ZBTB7C: variants seen among roughly 807,000 people sequenced by gnomAD.
The protein encoded by ZBTB7C is zinc finger and BTB domain containing 7C, also known as zinc finger and BTB domain-containing protein 7C.
Under a neutral mutation model 25.7 loss-of-function variants are expected in ZBTB7C, and 8 were observed. The ratio of observed to expected loss-of-function variants is 0.31; its 90% CI spans 0.18 to 0.56. The LOEUF is 0.56. ZBTB7C is among the 20% of genes least tolerant of loss of function. The pLI, the probability that ZBTB7C is intolerant of heterozygous loss-of-function variation, is 0.91. For synonymous variants in ZBTB7C, 394 were observed against 369.0 expected, an observed-to-expected ratio of 1.07 and a Z score of -0.78; for missense variants, 824 against 855.2, an observed-to-expected ratio of 0.96 and a Z score of 0.46.
intron 2 of ZBTB7C, among the ~76,000 whole-genome samples, chr18:48,266,305 A>G (rs2044312490): frequency 6.6e-6 from 1 of 152,124 alleles, no homozygotes; most frequent in Non-Finnish European, 1.5e-5. Flanking sequence ...GAGGCGACTG[A>G]GAAGGACTAT....
intron 1 of ZBTB7C, among the ~76,000 whole-genome samples, chr18:48,404,954 C>A (rs1336832873): frequency 1.3e-5 from 2 of 152,224 alleles, no homozygotes; most frequent in Non-Finnish European, 2.9e-5. Context: ...AGCTGTCCAG[C>A]CCTGACCTCT....
intron 2 of ZBTB7C, among the ~76,000 whole-genome samples, chr18:48,241,079 GCAA>G (rs2043510535): frequency 2.0e-5 from 3 of 151,738 alleles, no homozygotes; most frequent in Non-Finnish European, 1.5e-5. Context: ...AGCCTTTAAA[GCAA>G]CAACAATTAA....
chr18:48,117,695 G>A (rs2039488620), intron 3 of ZBTB7C, among the ~76,000 whole-genome samples: 1 of 152,136 alleles, frequency 6.6e-6, no homozygotes, highest in African/African-American at 2.4e-5. Context: ...AACAAAACAC[G>A]TGTTCCATCT....
intron 3 of ZBTB7C, chr18:48,137,148 C>A: frequency 1.0e-6 from 1 of 985,420 alleles, no homozygotes; most frequent in Non-Finnish European, 1.2e-6. Context: ...TCGTGCTGGG[C>A]GAGTTAAGCC....
At chr18:48,114,433 T>G (rs1465743434) in intron 3 of ZBTB7C, among the ~76,000 whole-genome samples, 1 of 152,054 alleles carries the variant, frequency 6.6e-6, no homozygotes, top group Non-Finnish European at 1.5e-5. Context: ...GAGAGCCATC[T>G]CTGCTAAAAA....
At chr18:48,225,932 G>A (rs1393028499) in intron 2 of ZBTB7C, among the ~76,000 whole-genome samples, 4 of 152,070 alleles carry the variant, frequency 2.6e-5, no homozygotes, top group African/African-American at 4.8e-5. Context: ...TAGTAGAGAC[G>A]GGGTTTCACC....
intron 2 of ZBTB7C, among the ~76,000 whole-genome samples, chr18:48,256,941 A>C (rs1056742092): frequency 1.3e-5 from 2 of 152,026 alleles, no homozygotes; most frequent in African/African-American, 4.8e-5. Flanking sequence ...AAAAAGAGGA[A>C]AAATTGAACA....
intron 2 of ZBTB7C, among the ~76,000 whole-genome samples, chr18:48,316,502 T>A (rs2045950925): frequency 6.6e-6 from 1 of 152,238 alleles, no homozygotes; most frequent in Non-Finnish European, 1.5e-5. Flanking sequence ...GGAAGTGGGT[T>A]CTAGTGGGAG....
At chr18:48,202,547 GT>G (rs1430304210) in intron 2 of ZBTB7C, among the ~76,000 whole-genome samples, 2 of 151,918 alleles carry the variant, frequency 1.3e-5, no homozygotes, top group Non-Finnish European at 2.9e-5. Flanking sequence ...GCGAGGGTGG[GT>G]GTGCAAGCTA....
chr18:48,331,559 C>T (rs543750448), intron 2 of ZBTB7C, among the ~76,000 whole-genome samples: 15 of 152,320 alleles, frequency 9.8e-5, no homozygotes, highest in South Asian at 2.1e-4. Context: ...CACTGCATTA[C>T]GATAGCCCAT....
At chr18:48,190,643 G>A (rs2042171288) in intron 2 of ZBTB7C, among the ~76,000 whole-genome samples, 2 of 152,216 alleles carry the variant, frequency 1.3e-5, no homozygotes, top group Admixed American at 1.3e-4. Flanking sequence ...TAGACAGGAT[G>A]GTTTGGGGAC....
chr18:48,131,826 T>C (rs2039993941), intron 3 of ZBTB7C, among the ~76,000 whole-genome samples: 1 of 152,094 alleles, frequency 6.6e-6, no homozygotes, highest in Non-Finnish European at 1.5e-5. Flanking sequence ...TGGCTACTGC[T>C]CCCTTGAGCA....
At chr18:48,204,934 AG>A (rs1349742754) in intron 2 of ZBTB7C, among the ~76,000 whole-genome samples, 1 of 152,172 alleles carries the variant, frequency 6.6e-6, no homozygotes, top group Non-Finnish European at 1.5e-5. Flanking sequence ...CTAAGCAAAG[AG>A]GTAAGTACTC....
At position 48,317,547 on chromosome 18, in the gene ZBTB7C, G is replaced by A. The variant is rs111717812; in HGVS notation, c.-79+20627C>T. ...GCCTTTGCTCTGAGGATGCCAGGTC[G>A]AGAGCTTGTTTGCAAAGTACAGGGA... On this transcript the variant is annotated intron_variant, in intron 2 of 4. Transcript: ENST00000590800. Among the ~76,000 whole-genome samples the A allele has an allele frequency of 5.7e-3, 861 of 152,262 alleles. 7 individuals carry two copies. Among genetic ancestry groups the A allele is most frequent in the African/African-American group, 0.019 (810 of 41,560 alleles).
At chr18:48,302,439 T>A (rs1440613889) in intron 2 of ZBTB7C, among the ~76,000 whole-genome samples, 2 of 103,302 alleles carry the variant, frequency 1.9e-5, no homozygotes, top group African/African-American at 7.6e-5. Flanking sequence ...CTATATATAA[T>A]TTTTTTTCTC....
At chr18:48,160,248 C>A (rs1370472967) in intron 3 of ZBTB7C, among the ~76,000 whole-genome samples, 1 of 152,214 alleles carries the variant, frequency 6.6e-6, no homozygotes, top group East Asian at 1.9e-4. Flanking sequence ...GTGGAAGCCT[C>A]ACTTCTTCCA....
intron 2 of ZBTB7C, among the ~76,000 whole-genome samples, chr18:48,218,370 C>T (rs2042874771): frequency 6.6e-6 from 1 of 152,194 alleles, no homozygotes; most frequent in African/African-American, 2.4e-5. Flanking sequence ...GCTGCCTCTG[C>T]CCCCAGGTAT....
In ZBTB7C at chr18:48,367,326, A is replaced by G. The variant is rs142086240; in HGVS notation, c.-303-28928T>C. Among the ~76,000 whole-genome samples, 56 of 111,740 alleles carry G rather than the reference A, an allele frequency of 5.0e-4. 1 individual carries two copies. The East Asian group carries it at 0.013, about 27-fold the overall frequency. The allele number at this position is 111,740 out of a possible 152,430, so 73.3% of individuals were successfully genotyped here. Reference sequence around the variant, plus strand: ...TATGTATAGATACATATATGTGTGTATATATATACATATATGTGTGCATAT... The same window carrying G: ...TATGTATAGATACATATATGTGTGTGTATATATACATATATGTGTGCATAT... On this transcript the variant is annotated intron_variant, in intron 1 of 4. Coordinates refer to ENST00000590800, the MANE Select transcript of ZBTB7C (RefSeq NM_001318841.2).
intron 3 of ZBTB7C, among the ~76,000 whole-genome samples, chr18:48,087,220 G>A (rs1194189867): frequency 6.6e-6 from 1 of 152,238 alleles, no homozygotes; most frequent in Non-Finnish European, 1.5e-5. Flanking sequence ...CAAAAGCAAG[G>A]AGGGCATCTG....
Sources: allele counts gnomAD v4.1 joint callset (sites outside exome capture counted in the v4.1 genomes callset), GRCh38; gene constraint gnomAD v4.1.1; transcripts MANE v1.5; gene names NCBI Gene and HGNC (gene_info 2026-07-23, HGNC 2026-07-21).